Variants in CEP350 observed in about 807,000 individuals in gnomAD.
The protein encoded by CEP350 is centrosome-associated protein 350.
CEP350 carries 126 observed loss-of-function variants against 331.8 expected under a neutral mutation model. That is an observed-to-expected ratio of 0.38 (90% CI 0.33 to 0.44). The LOEUF is 0.44. CEP350 is among the 20% of genes least tolerant of loss of function. CEP350 has a pLI of 1.00. For missense variants in CEP350, 3,406 were observed against 3,634.6 expected (o/e 0.94, Z 1.62); for synonymous variants, 1,200 against 1,259.5 (o/e 0.95, Z 1.00).
intron 37 of CEP350, among the ~76,000 whole-genome samples, chr1:180,103,387 GA>G (rs1024866457): frequency 1.3e-4 from 19 of 146,034 alleles, no homozygotes; most frequent in East Asian, 4.0e-4. Context: ...CTCTTCGTTA[GA>G]AAAAAAAAAA....
Position 180,093,986 on chromosome 1 carries a change from T to A in CEP350, c.7881T>A (p.Val2627=). The change falls in exon 34 of 38, where the codon GTT becomes GTA. Residue 2627 remains valine, a synonymous_variant. Coordinates refer to ENST00000367607, the MANE Select transcript of CEP350 (RefSeq NM_014810.5). ...GTGTGAATGATATAGAAGCCTCAGTTAATAGAAGTAGAAGCCTTAAAATAG... is the reference window on the plus strand; with the variant it reads ...GTGTGAATGATATAGAAGCCTCAGTAAATAGAAGTAGAAGCCTTAAAATAG... ...LPSVNDIEAS[V]NRSRSLKIET... 1 of 1,613,814 alleles carries A rather than the reference T, an allele frequency of 6.2e-7. No homozygotes were observed. Among genetic ancestry groups the A allele is most frequent in the Admixed American group, 1.7e-5 (1 of 60,016 alleles).
chr1:180,098,714 C>G, intron 36 of CEP350, 149 bp from the exon 37 acceptor site: 1 of 612,310 alleles, frequency 1.6e-6, no homozygotes, highest in Non-Finnish European at 2.7e-6. Flanking sequence ...CTTCAAATTG[C>G]TATGTGGAAC....
chr1:180,110,719 T>TA (rs1173308135), intron 37 of CEP350, among the ~76,000 whole-genome samples: 1 of 152,208 alleles, frequency 6.6e-6, no homozygotes, highest in Non-Finnish European at 1.5e-5. Context: ...CATATTCCCT[T>TA]ACGTTGACAT....
At position 180,022,811 on chromosome 1, in the gene CEP350, G is replaced by A. The variant is rs752138079; in HGVS notation, c.3349G>A (p.Gly1117Arg). ...EDDFVSSPGT[G>R]TSTEKKSTLE... The stretch of plus-strand genomic sequence containing the variant: ...TGATTTTGTCTCCTCTCCAGGGACT[G>A]GGACTTCGACAGAAAAAAAATCAAC... The change falls in exon 13 of 38, where the codon GGG becomes AGG. Residue 1117 changes from glycine (G) to arginine (R), a missense_variant. Physicochemically the swap from Gly to Arg is moderately radical, Grantham distance 125. This residue lies in a region of CEP350 where 1,857 missense variants were observed against 1,909.2 expected (regional missense o/e 0.97). Coordinates refer to ENST00000367607, the MANE Select transcript of CEP350 (RefSeq NM_014810.5). 1 of 1,597,562 alleles carries A rather than the reference G, an allele frequency of 6.3e-7. No individual in the cohort carries two copies. Among genetic ancestry groups the A allele is most frequent in the Non-Finnish European group, 8.5e-7 (1 of 1,170,990 alleles).
intron 37 of CEP350, among the ~76,000 whole-genome samples, chr1:180,102,852 A>G (rs6425606): frequency 0.85 from 129,987 of 152,194 alleles, 55,680 homozygotes; most frequent in South Asian, 0.94. Context: ...ATATCTCATT[A>G]TAATTTTGAA....
Position 180,014,487 on chromosome 1 carries a change from T to A in CEP350, c.2034T>A (p.His678Gln). ...KTLLEEPSHQ[H>Q]VTQETQAKPG... ...TGCTTGAAGAGCCATCTCATCAACA[T>A]GTTACGCAGGAAACACAGGTAATAG... The change falls in exon 10 of 38, where the codon CAT becomes CAA. Residue 678 changes from histidine (H) to glutamine (Q), a missense_variant. This residue lies in a region of CEP350 where 1,857 missense variants were observed against 1,909.2 expected (regional missense o/e 0.97). Transcript: ENST00000367607. 1 of 1,604,948 alleles carries A rather than the reference T, an allele frequency of 6.2e-7. No homozygotes were observed. The highest frequency in any genetic ancestry group is 8.5e-7 in the Non-Finnish European group (1 of 1,176,896).
At position 180,096,047 on chromosome 1, in the gene CEP350, G is replaced by T. The variant is rs200107537; in HGVS notation, c.8929G>T (p.Asp2977Tyr). Residue 2977 changes from aspartate to tyrosine, a missense_variant, in exon 36 of 38, where the codon GAT becomes TAT. Coordinates refer to ENST00000367607, the MANE Select transcript of CEP350 (RefSeq NM_014810.5). Reference sequence around the variant, plus strand: ...GTTTTTCTCTATCAAGGCGGTTTTTGATTTAACAAAAGAGATTTTTGAGGA... The same window carrying T: ...GTTTTTCTCTATCAAGGCGGTTTTTTATTTAACAAAAGAGATTTTTGAGGA... ...SKRVYKQAVF[D>Y]LTKEIFEEIF... The T allele has an allele frequency of 6.4e-7, 1 of 1,551,514 alleles. No homozygotes were observed.
intron 11 of CEP350, among the ~76,000 whole-genome samples, chr1:180,019,117 A>G (rs1185989678): frequency 6.6e-6 from 1 of 152,128 alleles, no homozygotes; most frequent in Non-Finnish European, 1.5e-5. Flanking sequence ...TTGGCCTCCC[A>G]AAGTGCTGGG....
At chr1:180,004,808 G>GT (rs1033455379) in intron 7 of CEP350, among the ~76,000 whole-genome samples, 1 of 151,992 alleles carries the variant, frequency 6.6e-6, no homozygotes, top group Non-Finnish European at 1.5e-5. Flanking sequence ...TTTTTCAGTT[G>GT]TTTTTTTCCT....
chr1:180,043,130 C>T lies in CEP350; in HGVS notation c.4437C>T (p.Asp1479=). ...GAGCTCCCCTTGCAATACTGTATGA[C>T]CACCAACGGCAGCACCTTCCAGACT... The part of the protein sequence containing the change: ...ASGAPLAILY[D]HQRQHLPDFV... The change falls in exon 20 of 38, where the codon GAC becomes GAT. Residue 1479 remains aspartate (D), a synonymous_variant. Transcript: ENST00000367607. The T allele has an allele frequency of 6.2e-7, 1 of 1,613,774 alleles. No individual in the cohort carries two copies. Among genetic ancestry groups the T allele is most frequent in the Non-Finnish European group, 8.5e-7 (1 of 1,179,782 alleles).
chr1:179,962,495 C>T (rs1196654684), intron 1 of CEP350, among the ~76,000 whole-genome samples: 2 of 151,996 alleles, frequency 1.3e-5, no homozygotes, highest in Non-Finnish European at 2.9e-5. Flanking sequence ...CTGCAACTTC[C>T]GCCTCCCGGG....
rs1204085719 is a variant in CEP350 at position 179,990,539 on chromosome 1, C to T, written c.153C>T (p.Ala51=). Residue 51 remains alanine (A), a synonymous_variant, in exon 4 of 38, where the codon GCC becomes GCT. Transcript: ENST00000367607. ...ACATTGAAAATAAATTAGAAGTAGC[C>T]CCTACAAGTACAGCTGTGTGTGATT... ...LRHIENKLEV[A]PTSTAVCDSV... is the part of the protein sequence containing the mutation. The T allele has an allele frequency of 2.5e-6, 4 of 1,600,534 alleles. No homozygotes were observed. Among genetic ancestry groups the T allele is most frequent in the South Asian group, 2.3e-5 (2 of 88,278 alleles).
rs775294660 is a variant in CEP350, at chr1:180,093,007, A to G, written c.6902A>G (p.Lys2301Arg). The G allele has an allele frequency of 6.2e-7, 1 of 1,604,824 alleles. No individual in the cohort carries two copies. The highest frequency in any genetic ancestry group is 8.5e-7 in the Non-Finnish European group (1 of 1,174,888). ...QGDSSEILSK[K>R]DLPLDSENVQ... ...GATTCATCTGAAATTCTTTCAAAGA[A>G]AGATCTTCCTTTAGATTCTGAAAAT... The change falls in exon 34 of 38, where the codon AAA becomes AGA. Residue 2301 changes from lysine (K) to arginine (R), a missense_variant. This residue lies in a region of CEP350 where 1,415 missense variants were observed against 1,512.3 expected (regional missense o/e 0.94). Coordinates refer to ENST00000367607, the MANE Select transcript of CEP350 (RefSeq NM_014810.5).
chr1:180,015,454 T>G (rs1395106511), intron 10 of CEP350, among the ~76,000 whole-genome samples: 1 of 152,042 alleles, frequency 6.6e-6, no homozygotes. Flanking sequence ...CAGGATGGTC[T>G]CGATCTCCTG....
At chr1:180,051,789 T>C (rs1355091649) in intron 22 of CEP350, among the ~76,000 whole-genome samples, 1 of 152,250 alleles carries the variant, frequency 6.6e-6, no homozygotes, top group Non-Finnish European at 1.5e-5. Flanking sequence ...GAGTGGAAAC[T>C]ATTAATATAA....
intron 1 of CEP350, among the ~76,000 whole-genome samples, chr1:179,966,792 T>C (rs1651047638): frequency 6.6e-6 from 1 of 152,162 alleles, no homozygotes; most frequent in Non-Finnish European, 1.5e-5. Context: ...AGAAATTTGC[T>C]CAAACTCTGA....
chr1:179,981,689 T>C (rs1362750787), intron 1 of CEP350, among the ~76,000 whole-genome samples: 2 of 152,228 alleles, frequency 1.3e-5, no homozygotes, highest in South Asian at 2.1e-4. Context: ...AGAATAGATA[T>C]CATAAAACTG....
In CEP350 at chr1:180,004,906, G is replaced by GCTTTCTTTCTTTCTTTCTTT. The variant is rs1158546433; in HGVS notation, c.1133-1518_1133-1499dup. Among the ~76,000 whole-genome samples, 833 of 130,816 alleles carry GCTTTCTTTCTTTCTTTCTTT rather than the reference G, an allele frequency of 6.4e-3. 17 individuals carry two copies. The highest frequency in any genetic ancestry group is 6.9e-3 in the Non-Finnish European group (433 of 62,378). 85.8% of individuals were successfully genotyped at this position (130,816 alleles called of 152,430 possible). A position where few individuals can be genotyped will look rare whatever the true frequency, so the allele number is the denominator to read the frequency against. ...TGCTTGCTTGCTTGCTTGCTTGCTT[G>GCTTTCTTTCTTTCTTTCTTT]CTTTCTTTCTTTCTTTCTTTCTTTC... On this transcript the variant is annotated intron_variant, in intron 7 of 37. Transcript: ENST00000367607.
Position 180,031,358 on chromosome 1 carries a change from C to G in CEP350, c.3589C>G (p.Leu1197Val). The change falls in exon 15 of 38, where the codon CTT (leucine) becomes GTT (valine). Residue 1197 changes from leucine (L) to valine (V), a missense_variant. Physicochemically the swap from Leu to Val is conservative, Grantham distance 32 (BLOSUM62 1). Coordinates refer to ENST00000367607, the MANE Select transcript of CEP350 (RefSeq NM_014810.5). ...SFTGNVQNSL[L>V]DEEKAERGSH... Reference sequence around the variant, plus strand: ...CACTGGAAATGTTCAGAACTCACTTCTTGATGAGGAAAAAGCAGAACGTGG... The same window carrying G: ...CACTGGAAATGTTCAGAACTCACTTGTTGATGAGGAAAAAGCAGAACGTGG... The G allele has an allele frequency of 6.2e-7, 1 of 1,607,618 alleles. No individual in the cohort carries two copies. The highest frequency in any genetic ancestry group is 8.5e-7 in the Non-Finnish European group (1 of 1,175,834).
Sources: gnomAD v4.1 joint callset for allele counts (sites outside exome capture counted in the v4.1 genomes callset) on GRCh38, gnomAD v4.1.1 for gene constraint, gnomAD v4.1.1 regional missense constraint, MANE v1.5 for transcripts, NCBI Gene and HGNC (gene_info 2026-07-23, HGNC 2026-07-21) for gene names.